Variants in LRRIQ1 observed in about 807,000 individuals in gnomAD.
The protein encoded by LRRIQ1 is leucine-rich repeat- and IQ domain-containing protein 1.
LRRIQ1 carries 210 observed loss-of-function variants against 211.9 expected under a neutral mutation model. The ratio of observed to expected loss-of-function variants is 0.99; its 90% CI spans 0.89 to 1.11. The LOEUF (loss-of-function observed/expected upper bound fraction) is 1.11, where lower values mean the gene tolerates loss of function less well. Among genes scored for constraint, LRRIQ1 ranks in the 50% most tolerant of loss-of-function variants. The pLI is 0.00. For missense variants in LRRIQ1, 2,136 were observed against 1,939.5 expected, an observed-to-expected ratio of 1.10 and a Z score of -1.90; for synonymous variants, 699 against 650.1, an observed-to-expected ratio of 1.08 and a Z score of -1.14.
chr12:85,086,531 C>T (rs1375702184), intron 11 of LRRIQ1, among the ~76,000 whole-genome samples: 1 of 152,054 alleles, frequency 6.6e-6, no homozygotes, highest in Non-Finnish European at 1.5e-5. Flanking sequence ...GATGTCAGCA[C>T]TATGCTTCCT....
At chr12:85,192,955 TATATA>T (rs1271297736) in intron 24 of LRRIQ1, among the ~76,000 whole-genome samples, 1 of 90,828 alleles carries the variant, frequency 1.1e-5, no homozygotes, top group African/African-American at 4.7e-5. Flanking sequence ...AATATATAAT[TATATA>T]ATATAATTAT....
chr12:85,243,066 A>T (rs565801606), intron 26 of LRRIQ1, among the ~76,000 whole-genome samples: 4 of 151,470 alleles, frequency 2.6e-5, no homozygotes, highest in Non-Finnish European at 5.9e-5. Flanking sequence ...ATTTTACAAT[A>T]TTAAGGCTTA....
At chr12:85,177,052 T>G (rs962174317) in intron 24 of LRRIQ1, among the ~76,000 whole-genome samples, 5 of 152,136 alleles carry the variant, frequency 3.3e-5, no homozygotes, top group Admixed American at 2.0e-4. Flanking sequence ...CTTCCTGTAC[T>G]TGATTTTCCT....
At chr12:85,172,741 G>A (rs958218548) in intron 24 of LRRIQ1, among the ~76,000 whole-genome samples, 1 of 152,106 alleles carries the variant, frequency 6.6e-6, no homozygotes. Flanking sequence ...GAAAATATGA[G>A]ATCTGTCTCT....
In LRRIQ1 at chr12:85,052,260, T is replaced by A; in HGVS notation, c.753+9T>A. 2.9e-6 allele frequency: 4 copies of A among 1,394,058 alleles called. No homozygotes were observed. The highest frequency in any genetic ancestry group is 4.0e-6 in the Non-Finnish European group (4 of 1,005,954). The allele number at this position is 1,394,058 out of a possible 1,614,324, so 86.4% of individuals were successfully genotyped here. The stretch of plus-strand genomic sequence containing the variant: ...AATTTAAACAGCATGAGGTATCTAT[T>A]TGTTGTTTTTATTTAGCACATTAAG... On this transcript the variant is annotated intron_variant, in intron 7 of 26. Transcript: ENST00000393217.
Position 85,056,363 on chromosome 12 carries a change from C to T in LRRIQ1, c.1570C>T (p.Gln524Ter). Reference protein sequence around the residue: ...NSDLKGNLKEQFPLQELKSDA... With the variant: ...NSDLKGNLKE ...TGATCTAAAAGGAAATCTGAAAGAA[C>T]AGTTTCCATTGCAAGAATTAAAGTC... The change falls in exon 8 of 27, where the codon CAG becomes TAG. Residue 524 changes from glutamine (Q) to a stop codon, truncating the protein, a stop_gained. Transcript: ENST00000393217. LOFTEE classifies it high-confidence loss of function. The T allele has an allele frequency of 6.3e-7, 1 of 1,591,100 alleles. No homozygotes were observed.
In LRRIQ1 at chr12:85,036,384, G is replaced by A. The variant is rs1187819922; in HGVS notation, c.-48G>A. On this transcript the variant is annotated 5_prime_UTR_variant, in exon 1 of 27. Coordinates refer to ENST00000393217, the MANE Select transcript of LRRIQ1 (RefSeq NM_001079910.2). ...GCTATGGGCGCTGTCTTACAACAAA[G>A]CCAAGGAATCTCGCTGCTGAGGGGT... 1 of 152,210 alleles carries A rather than the reference G, an allele frequency of 6.6e-6. No individual in the cohort carries two copies. The highest frequency in any genetic ancestry group is 2.4e-5 in the African/African-American group (1 of 41,440). The allele number at this position is 152,210 out of a possible 1,614,324, so 9.4% of individuals were successfully genotyped here.
At position 85,234,142 on chromosome 12, in the gene LRRIQ1, T is replaced by C. The variant is rs912078504; in HGVS notation, c.5016+1386T>C. Among the ~76,000 whole-genome samples the C allele has an allele frequency of 1.4e-4, 21 of 151,998 alleles. No homozygotes were observed. In the South Asian group the frequency reaches 2.1e-3, roughly 15 times the overall value. On this transcript the variant is annotated intron_variant, in intron 26 of 26. Transcript: ENST00000393217. ...GCCCCAGCTACTTGGGAGGCTTAGG[T>C]GGGAAGATCATTTGAGCCTAGAAGA...
intron 24 of LRRIQ1, among the ~76,000 whole-genome samples, chr12:85,212,616 TAA>T (rs1255516655): frequency 6.6e-6 from 1 of 151,554 alleles, no homozygotes; most frequent in Non-Finnish European, 1.5e-5. Context: ...AAAATGAAGC[TAA>T]ATTGAGTCAA....
At chr12:85,218,897 C>T (rs1894274539) in intron 24 of LRRIQ1, among the ~76,000 whole-genome samples, 1 of 152,100 alleles carries the variant, frequency 6.6e-6, no homozygotes, top group African/African-American at 2.4e-5. Flanking sequence ...GTTACTAATC[C>T]TGTTATTTAA....
rs192976993 is a variant in LRRIQ1, at chr12:85,194,626, G to A, written c.4822+33912G>A. ...AATAAAGATGTTCTTTGAAACCAAC[G>A]AGAACAAAGACACAACATACCAGAA... is the stretch of plus-strand genomic sequence containing the variant. On this transcript the variant is annotated intron_variant, in intron 24 of 26. Transcript: ENST00000393217. Among the ~76,000 whole-genome samples, 738 of 151,848 alleles carry A rather than the reference G, an allele frequency of 4.9e-3. 3 individuals are homozygous for A. Among genetic ancestry groups the A allele is most frequent in the African/African-American group, 0.017 (699 of 41,408 alleles).
chr12:85,094,314 G>A (rs943769810), intron 11 of LRRIQ1, among the ~76,000 whole-genome samples: 1 of 152,058 alleles, frequency 6.6e-6, no homozygotes, highest in African/African-American at 2.4e-5. Flanking sequence ...TTTGTGGTGA[G>A]TTGTATAATT....
At position 85,038,125 on chromosome 12, in the gene LRRIQ1, A is replaced by G. The variant is rs955108835; in HGVS notation, c.-24-28A>G. ...TAGAGAACACATAATTTTTAGTGAC[A>G]TATTAGCCTCTTCATTTTTTAAAGC... On this transcript the variant is annotated intron_variant, in intron 1 of 26. Coordinates refer to ENST00000393217, the MANE Select transcript of LRRIQ1 (RefSeq NM_001079910.2). 12 of 1,377,234 alleles carry G rather than the reference A, an allele frequency of 8.7e-6. No individual in the cohort carries two copies. In the South Asian group the frequency reaches 1.0e-4, roughly 12 times the overall value. The allele number at this position is 1,377,234 out of a possible 1,614,324, so 85.3% of individuals were successfully genotyped here. A position where few individuals can be genotyped will look rare whatever the true frequency, so the allele number is the denominator to read the frequency against.
chr12:85,083,520 A>G (rs1592760739), intron 11 of LRRIQ1, among the ~76,000 whole-genome samples: 1 of 151,136 alleles, frequency 6.6e-6, no homozygotes, highest in South Asian at 2.1e-4. Context: ...GCTCACTGCA[A>G]CCTCCACCTC....
intron 26 of LRRIQ1, among the ~76,000 whole-genome samples, chr12:85,243,689 A>C (rs1225768259): frequency 1.3e-5 from 2 of 151,622 alleles, no homozygotes; most frequent in Non-Finnish European, 3.0e-5. Flanking sequence ...CCAAATAAAC[A>C]GGGAAAATAT....
chr12:85,192,964 TAATTATATATA>T (rs1565894826), intron 24 of LRRIQ1, among the ~76,000 whole-genome samples: 20 of 91,464 alleles, frequency 2.2e-4, no homozygotes, highest in African/African-American at 9.3e-4. Context: ...TTATATAATA[TAATTATATATA>T]AATATATAAT....
intron 24 of LRRIQ1, among the ~76,000 whole-genome samples, chr12:85,229,115 A>G (rs1894808911): frequency 6.6e-6 from 1 of 152,194 alleles, no homozygotes; most frequent in Non-Finnish European, 1.5e-5. Context: ...AATATAATTT[A>G]TAAATTCTCC....
chr12:85,109,786 A>G (rs1887039000), intron 15 of LRRIQ1, among the ~76,000 whole-genome samples: 1 of 152,138 alleles, frequency 6.6e-6, no homozygotes, highest in African/African-American at 2.4e-5. Flanking sequence ...TAAAACAAGG[A>G]TATTCTACCC....
chr12:85,152,200 T>C, intron 19 of LRRIQ1, 80 bp from the exon 20 acceptor site: 5 of 1,133,644 alleles, frequency 4.4e-6, no homozygotes, highest in Non-Finnish European at 6.2e-6. Flanking sequence ...TCAACATTTG[T>C]AGTCTATAAG....
Sources: allele counts gnomAD v4.1 joint callset (sites outside exome capture counted in the v4.1 genomes callset), GRCh38; gene constraint gnomAD v4.1.1; transcripts MANE v1.5; gene names NCBI Gene and HGNC (gene_info 2026-07-23, HGNC 2026-07-21).